The following ZNF184 variants were observed in gnomAD, a reference collection of about 807,000 sequenced individuals.
The protein encoded by ZNF184 is zinc finger protein 184, also known as zinc finger protein 184 (Kruppel-like).
ZNF184 carries 16 observed loss-of-function variants against 54.4 expected under a neutral mutation model. The observed-to-expected ratio is 0.29, with a 90% confidence interval of 0.20 to 0.45. The LOEUF (loss-of-function observed/expected upper bound fraction) is 0.45, where lower values mean the gene tolerates loss of function less well. ZNF184 is among the 20% of genes least tolerant of loss of function. The pLI, the probability that ZNF184 is intolerant of heterozygous loss-of-function variation, is 1.00. For missense variants in ZNF184, 681 were observed against 888.2 expected, an observed-to-expected ratio of 0.77 and a Z score of 2.97; for synonymous variants, 254 against 295.3, an observed-to-expected ratio of 0.86 and a Z score of 1.43.
chr6:27,422,112 G>GA, the ZNF184 span, among the ~76,000 whole-genome samples: 1 of 118,292 alleles, frequency 8.5e-6, no homozygotes. Flanking sequence ...CTACACCCTA[G>GA]CCTGTGCAAC....
the ZNF184 span, among the ~76,000 whole-genome samples, chr6:27,427,669 T>C: frequency 6.6e-6 from 1 of 152,146 alleles, no homozygotes; most frequent in African/African-American, 2.4e-5. Context: ...TCCAGCTACT[T>C]CCTAGTTGTC....
At chr6:27,408,475 A>G in the ZNF184 span, among the ~76,000 whole-genome samples, 9 of 152,176 alleles carry the variant, frequency 5.9e-5, no homozygotes, top group Non-Finnish European at 1.2e-4. Flanking sequence ...CCCCTGTCCT[A>G]AAAGACTACT....
the ZNF184 span, among the ~76,000 whole-genome samples, chr6:27,430,262 G>C: frequency 2.0e-5 from 3 of 152,112 alleles, no homozygotes; most frequent in African/African-American, 4.8e-5. Context: ...TCCCAGAGTA[G>C]CATATTTTAG....
At chr6:27,440,778 C>T in the ZNF184 span, among the ~76,000 whole-genome samples, 1 of 151,914 alleles carries the variant, frequency 6.6e-6, no homozygotes, top group East Asian at 1.9e-4. Context: ...CCGAGGCGGG[C>T]GGATCACGAG....
At chr6:27,461,751 G>T (rs766460997) in intron 3 of ZNF184, among the ~76,000 whole-genome samples, 15 of 152,112 alleles carry the variant, frequency 9.9e-5, no homozygotes, top group South Asian at 6.2e-4. Context: ...GAACCTAGGA[G>T]GAGCCCAGCA....
Position 27,472,915 on chromosome 6 carries a change from G to A in ZNF184, c.-326C>T. On this transcript the variant is annotated 5_prime_UTR_variant, in exon 1 of 6. Transcript: ENST00000683788. This position sits in a 1 kb window ranked among gnomAD's most constrained non-coding sequence, Gnocchi z 4.8. ...CTTTCTCCTGCAGAGGCCTCTAAGC[G>A]CGAAATCAGAAGGGTGACGTCACGA... 6.5e-6 allele frequency: 1 copy of A among 152,792 alleles called. No homozygotes were observed. The highest frequency in any genetic ancestry group is 1.5e-5 in the Non-Finnish European group (1 of 68,424). 9.5% of individuals were successfully genotyped at this position (152,792 alleles called of 1,614,324 possible). A position where few individuals can be genotyped will look rare whatever the true frequency, so the allele number is the denominator to read the frequency against.
At chr6:27,449,129 A>G (rs542780349), downstream of ZNF184, among the ~76,000 whole-genome samples, 7 of 152,210 alleles carry the variant, frequency 4.6e-5, no homozygotes, top group African/African-American at 9.7e-5. Flanking sequence ...TTTAGCAAAA[A>G]CTACTCAAGT....
chr6:27,417,556 T>C, the ZNF184 span, among the ~76,000 whole-genome samples: 58 of 152,314 alleles, frequency 3.8e-4, 1 homozygote, highest in Non-Finnish European at 7.5e-4. Flanking sequence ...TGAGAAATCC[T>C]GGAGAAGAGT....
intron 2 of ZNF184, among the ~76,000 whole-genome samples, chr6:27,470,761 T>C (rs142409074): frequency 1.9e-3 from 294 of 152,298 alleles, no homozygotes; most frequent in African/African-American, 6.6e-3. Context: ...ATGCTCAGTA[T>C]GTGCTACAAA....
At chr6:27,432,286 T>C in the ZNF184 span, among the ~76,000 whole-genome samples, 1 of 152,186 alleles carries the variant, frequency 6.6e-6, no homozygotes, top group Admixed American at 6.5e-5. This position sits in a 1 kb window ranked among gnomAD's most constrained non-coding sequence, Gnocchi z 4.0. Context: ...GACGTGAAAG[T>C]GGATTTGTAG....
chr6:27,467,898 G>C lies in ZNF184; in HGVS notation c.30C>G (p.Thr10=). The C allele has an allele frequency of 6.2e-7, 1 of 1,611,752 alleles. No homozygotes were observed. The highest frequency in any genetic ancestry group is 8.5e-7 in the Non-Finnish European group (1 of 1,178,982). ...GTAGATTATGTCCCCCTTGGAGAAGGGTGGAGTCTGGAGAGGACAGATCTA... is the reference window on the plus strand; with the variant it reads ...GTAGATTATGTCCCCCTTGGAGAAGCGTGGAGTCTGGAGAGGACAGATCTA... MEDLSSPDS[T]LLQGGHNLLS... is the part of the protein sequence containing the mutation. Residue 10 remains threonine (T), a synonymous_variant, in exon 3 of 6, where the codon ACC becomes ACG. Transcript: ENST00000683788.
the ZNF184 span, among the ~76,000 whole-genome samples, chr6:27,431,167 A>G: frequency 6.6e-6 from 1 of 152,174 alleles, no homozygotes; most frequent in Admixed American, 6.5e-5. Flanking sequence ...GTTGTTCCAG[A>G]TTTCCCTTGG....
At chr6:27,412,120 G>C in the ZNF184 span, among the ~76,000 whole-genome samples, 3 of 152,222 alleles carry the variant, frequency 2.0e-5, no homozygotes, top group Admixed American at 2.0e-4. Flanking sequence ...GGGTGGAGCC[G>C]TGGGTGTTGG....
chr6:27,442,714 A>AGGACG, the ZNF184 span, among the ~76,000 whole-genome samples: 4 of 57,054 alleles, frequency 7.0e-5, no homozygotes, highest in Non-Finnish European at 1.4e-4. Context: ...AGAGAGAGAA[A>AGGACG]GAAGGACGGA....
chr6:27,406,055 C>T, the ZNF184 span: 4 of 152,300 alleles, frequency 2.6e-5, no homozygotes, highest in South Asian at 6.2e-4. Context: ...TAGAGGTTAA[C>T]ATAACATCAT....
chr6:27,430,515 A>G, the ZNF184 span, among the ~76,000 whole-genome samples: 284 of 152,314 alleles, frequency 1.9e-3, no homozygotes, highest in African/African-American at 6.3e-3. Flanking sequence ...GGGAAGGCAG[A>G]GAGAGATTTG....
chr6:27,411,520 A>G, the ZNF184 span, among the ~76,000 whole-genome samples: 3 of 152,244 alleles, frequency 2.0e-5, no homozygotes, highest in Non-Finnish European at 4.4e-5. Flanking sequence ...CTCAGCAGTC[A>G]TGAACACAAA....
At position 27,452,399 on chromosome 6, in the gene ZNF184, T is replaced by C. The variant is rs774345789; in HGVS notation, c.1160A>G (p.Glu387Gly). The C allele has an allele frequency of 6.2e-7, 1 of 1,614,062 alleles. No homozygotes were observed. The highest frequency in any genetic ancestry group is 1.3e-5 in the African/African-American group (1 of 75,036). ...ACATTCATTACATTTATAGGTTTTT[T>C]CTCCAGTATGAATTTTTTGATGTTG... ...LTQHQKIHTG[E>G]KTYKCNECGK... The change falls in exon 6 of 6, where the codon GAA (glutamate) becomes GGA (glycine). Residue 387 changes from glutamate to glycine, a missense_variant. Glu to Gly is a moderately conservative substitution (Grantham distance 98). Coordinates refer to ENST00000683788, the MANE Select transcript of ZNF184 (RefSeq NM_001318891.2). The surrounding 1 kb of genome is among the most constrained non-coding windows in gnomAD (Gnocchi z 5.5).
the ZNF184 span, among the ~76,000 whole-genome samples, chr6:27,416,552 G>A: frequency 4.6e-5 from 7 of 152,070 alleles, no homozygotes; most frequent in South Asian, 2.1e-4. Context: ...CTTTAGTTTC[G>A]GGTATGAGGA....
Sources: allele counts gnomAD v4.1 joint callset (sites outside exome capture counted in the v4.1 genomes callset), GRCh38; gene constraint gnomAD v4.1.1; non-coding constraint Gnocchi (gnomAD v3.1); transcripts MANE v1.5; gene names NCBI Gene and HGNC (gene_info 2026-07-23, HGNC 2026-07-21).